HAPLN1: variants seen among roughly 807,000 people sequenced by gnomAD.
The protein encoded by HAPLN1 is Cartilage link protein.
HAPLN1 carries 13 observed loss-of-function variants against 36.5 expected under a neutral mutation model. That is an observed-to-expected ratio of 0.36 (90% confidence interval 0.23 to 0.57). The LOEUF (loss-of-function observed/expected upper bound fraction) is 0.57. Ranked by LOEUF, HAPLN1 falls within the 20% of genes least tolerant of loss-of-function variation. The pLI is 0.83. For synonymous variants in HAPLN1, 202 were observed against 169.8 expected (o/e 1.19, Z -1.48); for missense variants, 407 against 439.7 (o/e 0.93, Z 0.66).
chr5:83,685,646 T>C (rs1170879373), intron 1 of HAPLN1, among the ~76,000 whole-genome samples: 1 of 152,228 alleles, frequency 6.6e-6, no homozygotes, highest in Non-Finnish European at 1.5e-5. Flanking sequence ...CCTGGATTTA[T>C]TGGTCCTTCT....
chr5:83,715,212 G>T (rs1035332518), intron 1 of HAPLN1, among the ~76,000 whole-genome samples: 2 of 152,172 alleles, frequency 1.3e-5, no homozygotes, highest in Admixed American at 1.3e-4. Context: ...TTACTTTAAA[G>T]AAATAAAGGA....
intron 1 of HAPLN1, among the ~76,000 whole-genome samples, chr5:83,704,511 C>T (rs1751584184): frequency 6.6e-6 from 1 of 151,890 alleles, no homozygotes; most frequent in South Asian, 2.1e-4. Flanking sequence ...AAGAGAGATA[C>T]CTCACACATA....
rs1292805395 is a variant in HAPLN1 at position 83,665,095 on chromosome 5, T to A, written c.100+8329A>T. On this transcript the variant is annotated intron_variant, in intron 2 of 4. Transcript: ENST00000274341. Reference sequence around the variant, plus strand: ...ATTTTTCAAGAGAAAGTAAGAATTGTTCATAACCCATATAATACTGGAGAA... The same window carrying A: ...ATTTTTCAAGAGAAAGTAAGAATTGATCATAACCCATATAATACTGGAGAA... 3.3e-5 allele frequency among the ~76,000 whole-genome samples: 5 copies of A among 152,272 alleles called. No homozygotes were observed. The South Asian group carries it at 8.3e-4, about 25-fold the overall frequency.
chr5:83,644,314 T>A, intron 4 of HAPLN1, 49 bp downstream of exon 4: 1 of 1,341,210 alleles, frequency 7.5e-7, no homozygotes, highest in East Asian at 2.6e-5. Context: ...TGTTATAGTA[T>A]GGAATAGTCT....
chr5:83,664,037 T>A (rs1210013700), intron 2 of HAPLN1, among the ~76,000 whole-genome samples: 1 of 152,154 alleles, frequency 6.6e-6, no homozygotes, highest in African/African-American at 2.4e-5. Flanking sequence ...GATTTTGGAA[T>A]AAAGTCTGAA....
chr5:83,670,413 T>C (rs1750675955), intron 2 of HAPLN1, among the ~76,000 whole-genome samples: 1 of 152,180 alleles, frequency 6.6e-6, no homozygotes, highest in African/African-American at 2.4e-5. Context: ...GAGGACAGTA[T>C]GTTATATACA....
intron 1 of HAPLN1, among the ~76,000 whole-genome samples, chr5:83,695,671 T>C (rs1751377962): frequency 6.8e-6 from 1 of 147,860 alleles, no homozygotes; most frequent in Non-Finnish European, 1.5e-5. Context: ...TATCTATATG[T>C]ATTTATATAA....
At chr5:83,645,013 T>C (rs899858236) in intron 3 of HAPLN1, among the ~76,000 whole-genome samples, 2 of 152,132 alleles carry the variant, frequency 1.3e-5, no homozygotes, top group Non-Finnish European at 1.5e-5. Flanking sequence ...ACTAACACTA[T>C]AATGGGTTAC....
chr5:83,684,722 G>A (rs1478444850), intron 1 of HAPLN1, among the ~76,000 whole-genome samples: 1 of 151,962 alleles, frequency 6.6e-6, no homozygotes, highest in African/African-American at 2.4e-5. Context: ...GGGAGTCAGG[G>A]GCAAGACAAA....
rs1341536666 is a variant in HAPLN1, at chr5:83,696,340, A to G, written c.-26-22791T>C. ...AGATTCAGTCTTCCCAAGCTGACCC[A>G]TAAATTCAATGCATTCAAATCAAAA... On this transcript the variant is annotated intron_variant, in intron 1 of 4. Transcript: ENST00000274341. Among the ~76,000 whole-genome samples the G allele has an allele frequency of 5.9e-5, 9 of 152,290 alleles. No homozygotes were observed. The East Asian group carries it at 1.7e-3, about 29-fold the overall frequency.
chr5:83,682,024 G>A (rs1420655), intron 1 of HAPLN1, among the ~76,000 whole-genome samples: 42,933 of 152,028 alleles, frequency 0.28, 6,655 homozygotes, highest in East Asian at 0.41. Flanking sequence ...CGATCATTAC[G>A]TCAGTTTCAA....
At chr5:83,703,995 A>T (rs540250197) in intron 1 of HAPLN1, among the ~76,000 whole-genome samples, 6 of 152,144 alleles carry the variant, frequency 3.9e-5, no homozygotes, top group African/African-American at 1.4e-4. Context: ...AAAGACAACT[A>T]GAGAGAAAGG....
At chr5:83,672,414 G>C (rs1750754704) in intron 2 of HAPLN1, among the ~76,000 whole-genome samples, 1 of 152,106 alleles carries the variant, frequency 6.6e-6, no homozygotes, top group African/African-American at 2.4e-5. Flanking sequence ...CAGTTCAACA[G>C]AGAAAAAAAT....
At chr5:83,709,211 A>G (rs1751720863) in intron 1 of HAPLN1, among the ~76,000 whole-genome samples, 1 of 152,234 alleles carries the variant, frequency 6.6e-6, no homozygotes, top group Non-Finnish European at 1.5e-5. Flanking sequence ...CTGGAATTCA[A>G]CTAACTAAAT....
At chr5:83,683,034 T>C (rs1751043836) in intron 1 of HAPLN1, among the ~76,000 whole-genome samples, 1 of 152,208 alleles carries the variant, frequency 6.6e-6, no homozygotes, top group Non-Finnish European at 1.5e-5. Context: ...AGCTTTCTTT[T>C]ATGAAGAACA....
chr5:83,644,060 G>A (rs932112634), intron 4 of HAPLN1, among the ~76,000 whole-genome samples: 2 of 152,136 alleles, frequency 1.3e-5, no homozygotes, highest in African/African-American at 4.8e-5. Context: ...GGCACACACT[G>A]GCAGCATCAT....
At chr5:83,667,660 G>C (rs942450891) in intron 2 of HAPLN1, among the ~76,000 whole-genome samples, 2 of 152,152 alleles carry the variant, frequency 1.3e-5, no homozygotes, top group African/African-American at 4.8e-5. Flanking sequence ...AATTAAGACA[G>C]AGTAACATGT....
intron 1 of HAPLN1, among the ~76,000 whole-genome samples, chr5:83,697,804 C>A (rs901990750): frequency 6.6e-6 from 1 of 152,116 alleles, no homozygotes; most frequent in South Asian, 2.1e-4. Context: ...TTGACTGTCT[C>A]TTGATGTGCT....
At position 83,638,073 on chromosome 5, in the gene HAPLN1, A is replaced by G. The variant is rs1749567507; in HGVS notation, c.*3423T>C. 6.6e-6 allele frequency: 1 copy of G among 151,714 alleles called. No homozygotes were observed. The allele number at this position is 151,714 out of a possible 1,614,324, so 9.4% of individuals were successfully genotyped here. On this transcript the variant is annotated 3_prime_UTR_variant, in exon 5 of 5. Coordinates refer to ENST00000274341, the MANE Select transcript of HAPLN1 (RefSeq NM_001884.4). Reference sequence around the variant, plus strand: ...GGAAATGAAAATTGTACGTATTTACAATTTGAAGTCAAATGTATCAGAACA... The same window carrying G: ...GGAAATGAAAATTGTACGTATTTACGATTTGAAGTCAAATGTATCAGAACA...
Sources: allele counts gnomAD v4.1 joint callset (sites outside exome capture counted in the v4.1 genomes callset), GRCh38; gene constraint gnomAD v4.1.1; transcripts MANE v1.5; gene names NCBI Gene and HGNC (gene_info 2026-07-23, HGNC 2026-07-21).